Variants in ZNF385D observed in about 807,000 individuals in gnomAD.
The protein encoded by ZNF385D is zinc finger protein 659.
Under a neutral mutation model 35.8 loss-of-function variants are expected in ZNF385D, and 15 were observed. The ratio of observed to expected loss-of-function variants is 0.42; its 90% confidence interval spans 0.28 to 0.64. The LOEUF is 0.64. Among genes scored for constraint, ZNF385D ranks in the 30% least tolerant of loss-of-function variants. The pLI is 0.23. For synonymous variants in ZNF385D, 212 were observed against 186.8 expected, an observed-to-expected ratio of 1.13 and a Z score of -1.10; for missense variants, 474 against 494.6, an observed-to-expected ratio of 0.96 and a Z score of 0.39.
intron 2 of ZNF385D, among the ~76,000 whole-genome samples, chr3:21,582,812 C>G (rs1395156557): frequency 2.0e-5 from 3 of 152,112 alleles, no homozygotes; most frequent in Admixed American, 2.0e-4. Context: ...GAGTCTCGCT[C>G]TATGGCCCAG....
intron 3 of ZNF385D, among the ~76,000 whole-genome samples, chr3:22,007,891 G>A (rs1347327557): frequency 6.6e-6 from 1 of 151,342 alleles, no homozygotes; most frequent in African/African-American, 2.4e-5. Context: ...TAATTCGTAT[G>A]TAGTAAAATT....
chr3:21,915,097 C>T (rs1257291291), intron 3 of ZNF385D, among the ~76,000 whole-genome samples: 1 of 150,350 alleles, frequency 6.7e-6, no homozygotes, highest in Non-Finnish European at 1.5e-5. Flanking sequence ...ATTTTTTTAA[C>T]ACCTTACATA....
At chr3:22,206,182 A>G (rs946138199) in intron 2 of ZNF385D, among the ~76,000 whole-genome samples, 1 of 152,072 alleles carries the variant, frequency 6.6e-6, no homozygotes, top group East Asian at 1.9e-4. Context: ...AAAAGAGACA[A>G]AGAGGTCATT....
intron 2 of ZNF385D, among the ~76,000 whole-genome samples, chr3:22,308,143 GA>G (rs1703337102): frequency 6.6e-6 from 1 of 152,016 alleles, no homozygotes; most frequent in Admixed American, 6.6e-5. Flanking sequence ...ACTTCCAAAA[GA>G]ATGTACGTTA....
chr3:22,133,855 C>T (rs1411589978), intron 3 of ZNF385D: 1 of 151,870 alleles, frequency 6.6e-6, no homozygotes, highest in African/African-American at 2.4e-5. Flanking sequence ...CTTAGCACCC[C>T]CCGACTTCTA....
chr3:22,220,744 A>C (rs1559461246), intron 2 of ZNF385D, among the ~76,000 whole-genome samples: 1 of 152,086 alleles, frequency 6.6e-6, no homozygotes, highest in Non-Finnish European at 1.5e-5. Context: ...TGAAGCCCTC[A>C]TCCTTCCATT....
At chr3:22,294,811 T>G (rs534942009) in intron 2 of ZNF385D, among the ~76,000 whole-genome samples, 2 of 152,298 alleles carry the variant, frequency 1.3e-5, no homozygotes, top group African/African-American at 2.4e-5. Context: ...CAATATATTT[T>G]GCATTTTATA....
At chr3:22,228,096 G>T (rs889861813) in intron 2 of ZNF385D, among the ~76,000 whole-genome samples, 50 of 152,162 alleles carry the variant, frequency 3.3e-4, no homozygotes, top group Non-Finnish European at 1.5e-5. Flanking sequence ...TGACAGAGAG[G>T]CAAGATGGTA....
intron 2 of ZNF385D, among the ~76,000 whole-genome samples, chr3:22,348,315 G>T (rs980944403): frequency 5.9e-5 from 9 of 151,904 alleles, no homozygotes; most frequent in African/African-American, 2.2e-4. Flanking sequence ...GAAGTTGTTA[G>T]CGTGGTCCCT....
At chr3:21,895,297 G>A (rs905673785) in intron 3 of ZNF385D, among the ~76,000 whole-genome samples, 1 of 141,764 alleles carries the variant, frequency 7.1e-6, no homozygotes, top group Non-Finnish European at 1.5e-5. Flanking sequence ...TTTTGCTATG[G>A]TTGAATCACT....
intron 4 of ZNF385D, among the ~76,000 whole-genome samples, chr3:21,478,521 A>G (rs1235251986): frequency 2.6e-5 from 4 of 152,234 alleles, no homozygotes; most frequent in African/African-American, 9.6e-5. Context: ...CATATTGAGC[A>G]GAGCCACAGT....
chr3:21,573,407 A>G (rs529779299), intron 2 of ZNF385D, among the ~76,000 whole-genome samples: 1 of 152,358 alleles, frequency 6.6e-6, no homozygotes, highest in South Asian at 2.1e-4. Flanking sequence ...TCTTGACATT[A>G]GGTACTGACA....
chr3:22,001,385 CAAAG>C (rs1695835275), intron 3 of ZNF385D, among the ~76,000 whole-genome samples: 1 of 151,274 alleles, frequency 6.6e-6, no homozygotes, highest in South Asian at 2.1e-4. Flanking sequence ...TAAAAAGAGA[CAAAG>C]AAAGTCATTA....
chr3:21,930,599 G>A (rs762427682), intron 3 of ZNF385D, among the ~76,000 whole-genome samples: 2 of 151,950 alleles, frequency 1.3e-5, no homozygotes, highest in Non-Finnish European at 2.9e-5. Context: ...ATAAAGCTAC[G>A]ATAATCAAGG....
intron 4 of ZNF385D, among the ~76,000 whole-genome samples, chr3:21,493,637 CTTT>C (rs11443396): frequency 6.9e-6 from 1 of 145,976 alleles, no homozygotes. Context: ...TGGATTTTTT[CTTT>C]TTTTTTTTGA....
intron 2 of ZNF385D, among the ~76,000 whole-genome samples, chr3:22,173,608 T>C (rs1034259647): frequency 6.6e-6 from 1 of 152,208 alleles, no homozygotes; most frequent in African/African-American, 2.4e-5. Context: ...TCTTTATCCC[T>C]TGCTCATTCA....
At chr3:21,877,508 C>T (rs944120176) in intron 3 of ZNF385D, among the ~76,000 whole-genome samples, 1 of 152,184 alleles carries the variant, frequency 6.6e-6, no homozygotes, top group African/African-American at 2.4e-5. Context: ...TTTAACCTGA[C>T]CTTTCCATAT....
chr3:21,476,997 A>G (rs955055914), intron 4 of ZNF385D, among the ~76,000 whole-genome samples: 1 of 152,056 alleles, frequency 6.6e-6, no homozygotes, highest in African/African-American at 2.4e-5. Context: ...TAACCACCAC[A>G]AGGTTCTTCT....
intron 1 of ZNF385D, among the ~76,000 whole-genome samples, chr3:21,700,824 T>A (rs1249186013): frequency 6.6e-6 from 1 of 152,214 alleles, no homozygotes; most frequent in Non-Finnish European, 1.5e-5. Context: ...AGGTAAGACA[T>A]CCAAAGCAGT....
Sources: gnomAD v4.1 joint callset for allele counts (sites outside exome capture counted in the v4.1 genomes callset) on GRCh38, gnomAD v4.1.1 for gene constraint, MANE v1.5 for transcripts, NCBI Gene and HGNC (gene_info 2026-07-23, HGNC 2026-07-21) for gene names.